Variants in NEBL observed in about 807,000 individuals in gnomAD.
NEBL encodes LIM and SH3 protein 2.
NEBL carries 122 observed loss-of-function variants against 140.2 expected under a neutral mutation model. That is an observed-to-expected ratio of 0.87 (90% CI 0.75 to 1.01). The LOEUF (loss-of-function observed/expected upper bound fraction) is 1.01, where lower values mean the gene tolerates loss of function less well. Among genes scored for constraint, NEBL ranks in the 50% least tolerant of loss-of-function variants. The pLI, the probability that NEBL is intolerant of heterozygous loss-of-function variation, is 0.00. For synonymous variants in NEBL, 436 were observed against 398.9 expected, an observed-to-expected ratio of 1.09 and a Z score of -1.11; for missense variants, 1,365 against 1,231.3, an observed-to-expected ratio of 1.11 and a Z score of -1.62.
At position 20,782,632 on chromosome 10, in the gene NEBL, G is replaced by A; in HGVS notation, c.*3115C>T. ...AATCTTATCCATATTCCTACAAGGT[G>A]CTTGTGGAAACTGTGCTTACAAATG... On this transcript the variant is annotated 3_prime_UTR_variant, in exon 28 of 28. Coordinates refer to ENST00000377122, the MANE Select transcript of NEBL (RefSeq NM_006393.3). 1 of 152,314 alleles carries A rather than the reference G, an allele frequency of 6.6e-6. No homozygotes were observed. The highest frequency in any genetic ancestry group is 1.5e-5 in the Non-Finnish European group (1 of 68,044). The allele number at this position is 152,314 out of a possible 1,614,324, so 9.4% of individuals were successfully genotyped here. A position where few individuals can be genotyped will look rare whatever the true frequency, so the allele number is the denominator to read the frequency against.
At chr10:20,790,462 C>T (rs904405118) in intron 26 of NEBL, among the ~76,000 whole-genome samples, 7 of 151,288 alleles carry the variant, frequency 4.6e-5, no homozygotes, top group South Asian at 2.1e-4. Flanking sequence ...ATTAGCTGGG[C>T]GTGGGGTGTG....
intron 3 of NEBL, among the ~76,000 whole-genome samples, chr10:21,234,792 C>T (rs1039030002): frequency 6.6e-6 from 1 of 152,160 alleles, no homozygotes; most frequent in South Asian, 2.1e-4. Context: ...TCCAGTTCAC[C>T]GTCACTCAGC....
At chr10:21,083,287 A>G (rs1051644423) in intron 2 of NEBL, among the ~76,000 whole-genome samples, 6 of 152,220 alleles carry the variant, frequency 3.9e-5, no homozygotes, top group Non-Finnish European at 8.8e-5. Context: ...GATTTCACAA[A>G]TGGACTTTCA....
At chr10:21,230,289 C>T (rs1589339013) in intron 3 of NEBL, among the ~76,000 whole-genome samples, 1 of 152,240 alleles carries the variant, frequency 6.6e-6, no homozygotes, top group East Asian at 1.9e-4. Flanking sequence ...TGTACATTTT[C>T]TCATTCTCAA....
intron 3 of NEBL, among the ~76,000 whole-genome samples, chr10:21,203,171 T>A (rs972394464): frequency 4.6e-5 from 7 of 152,222 alleles, no homozygotes; most frequent in Non-Finnish European, 1.0e-4. Flanking sequence ...CTGCTTGTTC[T>A]CCTGCAAACA....
intron 1 of NEBL, among the ~76,000 whole-genome samples, chr10:21,262,866 A>G (rs1013291023): frequency 1.3e-5 from 2 of 152,166 alleles, no homozygotes; most frequent in Non-Finnish European, 2.9e-5. Context: ...CCGTGTAGAC[A>G]TTCTAAATAG....
intron 2 of NEBL, among the ~76,000 whole-genome samples, chr10:21,097,228 G>T (rs201963477): frequency 7.1e-6 from 1 of 141,638 alleles, no homozygotes; most frequent in African/African-American, 2.7e-5. Flanking sequence ...CCGGGGGGGG[G>T]GTGGGGCAGA....
At chr10:21,004,821 C>T (rs1483794838) in intron 3 of NEBL, among the ~76,000 whole-genome samples, 4 of 152,136 alleles carry the variant, frequency 2.6e-5, no homozygotes, top group South Asian at 4.1e-4. Context: ...TCACCATATT[C>T]GCTAGGTAAC....
intron 5 of NEBL, among the ~76,000 whole-genome samples, chr10:20,880,527 G>C (rs575859576): frequency 6.6e-6 from 1 of 152,128 alleles, no homozygotes; most frequent in Non-Finnish European, 1.5e-5. Flanking sequence ...GGAAATGCTT[G>C]ATAACCCAAT....
intron 2 of NEBL, among the ~76,000 whole-genome samples, chr10:21,164,395 C>T (rs933735253): frequency 2.6e-5 from 4 of 152,328 alleles, no homozygotes; most frequent in Non-Finnish European, 5.9e-5. Flanking sequence ...CTGTAAAGCA[C>T]TCGTCTGAAA....
chr10:21,021,636 G>C (rs1037454271), intron 2 of NEBL, among the ~76,000 whole-genome samples: 1 of 152,078 alleles, frequency 6.6e-6, no homozygotes, highest in African/African-American at 2.4e-5. Flanking sequence ...CTTTCTCCAG[G>C]AAGCTCTCCT....
intron 2 of NEBL, among the ~76,000 whole-genome samples, chr10:21,039,564 C>T (rs72790586): frequency 0.033 from 4,950 of 152,000 alleles, 134 homozygotes; most frequent in Middle Eastern, 0.095. Context: ...TTTTCTATGA[C>T]GACAAGAAGA....
chr10:21,238,906 C>T (rs960852682), intron 3 of NEBL, among the ~76,000 whole-genome samples: 13 of 152,124 alleles, frequency 8.5e-5, no homozygotes, highest in East Asian at 1.9e-4. Context: ...AGAAAACAGA[C>T]GCTTTGGTTA....
chr10:21,270,807 G>T (rs1230407597), intron 1 of NEBL, among the ~76,000 whole-genome samples: 1 of 152,150 alleles, frequency 6.6e-6, no homozygotes, highest in Non-Finnish European at 1.5e-5. Flanking sequence ...GACTTGTCCA[G>T]GACCGAATAA....
At chr10:21,111,440 A>G (rs1196050728) in intron 2 of NEBL, among the ~76,000 whole-genome samples, 2 of 152,136 alleles carry the variant, frequency 1.3e-5, no homozygotes, top group Non-Finnish European at 2.9e-5. Context: ...AACACCATGC[A>G]TCTACAACCA....
intron 3 of NEBL, among the ~76,000 whole-genome samples, chr10:20,979,559 T>A (rs1016280940): frequency 1.3e-5 from 2 of 152,236 alleles, no homozygotes; most frequent in African/African-American, 4.8e-5. Context: ...TTATTTTAGA[T>A]CTTTCAATGT....
chr10:21,177,545 T>G (rs1311527574), upstream of NEBL, among the ~76,000 whole-genome samples: 1 of 152,110 alleles, frequency 6.6e-6, no homozygotes, highest in African/African-American at 2.4e-5. Flanking sequence ...CTTTTTTTTT[T>G]TTGAGATGGA....
intron 17 of NEBL, among the ~76,000 whole-genome samples, chr10:20,827,870 G>C (rs1840032031): frequency 6.6e-6 from 1 of 152,176 alleles, no homozygotes; most frequent in African/African-American, 2.4e-5. Context: ...GGAGCTAAAT[G>C]ATGAGAACAC....
intron 3 of NEBL, among the ~76,000 whole-genome samples, chr10:21,215,483 T>A (rs1221881794): frequency 2.0e-5 from 3 of 152,108 alleles, no homozygotes; most frequent in Admixed American, 6.5e-5. Flanking sequence ...GAATGCAAAA[T>A]GTAGCACAAA....
Sources: allele counts gnomAD v4.1 joint callset (sites outside exome capture counted in the v4.1 genomes callset), GRCh38; gene constraint gnomAD v4.1.1; transcripts MANE v1.5; gene names NCBI Gene and HGNC (gene_info 2026-07-23, HGNC 2026-07-21).